The following SORCS1 variants were observed in gnomAD, a reference collection of about 807,000 sequenced individuals.
The protein encoded by SORCS1 is sortilin related VPS10 domain containing receptor 1.
In SORCS1, 60 loss-of-function variants were observed where a neutral mutation model predicts 146.1. The observed-to-expected ratio is 0.41, with a 90% CI of 0.33 to 0.51. SORCS1 has a LOEUF of 0.51. Among genes scored for constraint, SORCS1 ranks in the 20% least tolerant of loss-of-function variants. The pLI is 0.21. For missense variants in SORCS1, 1,352 were observed against 1,487.6 expected (o/e 0.91, Z 1.50); for synonymous variants, 637 against 584.0 (o/e 1.09, Z -1.31).
At chr10:106,581,234 A>C (rs1379470993) in intron 24 of SORCS1, among the ~76,000 whole-genome samples, 1 of 152,000 alleles carries the variant, frequency 6.6e-6, no homozygotes, top group Non-Finnish European at 1.5e-5. Context: ...GATAACAATG[A>C]AGTTCTCATT....
At chr10:107,086,085 G>A (rs1044627067) in intron 1 of SORCS1, among the ~76,000 whole-genome samples, 9 of 152,188 alleles carry the variant, frequency 5.9e-5, no homozygotes, top group Middle Eastern at 3.2e-3. Flanking sequence ...GAGAGAATTC[G>A]GGCACTGGAG....
intron 1 of SORCS1, among the ~76,000 whole-genome samples, chr10:107,136,817 G>T (rs1450434837): frequency 6.6e-6 from 1 of 151,998 alleles, no homozygotes; most frequent in Admixed American, 6.6e-5. Flanking sequence ...TAGCTAATTC[G>T]GTCTACACTG....
At chr10:106,820,769 G>A (rs1947982973) in intron 3 of SORCS1, among the ~76,000 whole-genome samples, 2 of 152,176 alleles carry the variant, frequency 1.3e-5, no homozygotes, top group Non-Finnish European at 2.9e-5. Context: ...AAATGTTCTA[G>A]ATACAGTATG....
intron 2 of SORCS1, among the ~76,000 whole-genome samples, chr10:106,852,928 G>T (rs971704089): frequency 6.6e-6 from 1 of 152,068 alleles, no homozygotes; most frequent in Admixed American, 6.6e-5. Context: ...CTGTAAGTTT[G>T]CTTTTTTCTC....
rs114233715 is a variant in SORCS1, at chr10:106,673,458, C to T, written c.1941-473G>A. 6.5e-3 allele frequency among the ~76,000 whole-genome samples: 993 copies of T among 152,110 alleles called. 14 individuals carry two copies. Among genetic ancestry groups the T allele is most frequent in the African/African-American group, 0.022 (922 of 41,490 alleles). On this transcript the variant is annotated intron_variant, in intron 14 of 25. Transcript: ENST00000263054. ...GAGGGTACTATTACTGGATCCACTTCGCAGATAGATAATATGAGATTCAAT... is the reference window on the plus strand; with the variant it reads ...GAGGGTACTATTACTGGATCCACTTTGCAGATAGATAATATGAGATTCAAT...
chr10:106,709,462 T>G, intron 6 of SORCS1, 121 bp from the exon 7 acceptor site: 1 of 559,802 alleles, frequency 1.8e-6, no homozygotes, highest in Non-Finnish European at 3.0e-6. Context: ...TTTTTTTTTT[T>G]TTTTGAGATG....
Position 106,796,441 on chromosome 10 carries a change from TC to T in SORCS1, c.727-19750del, listed in dbSNP as rs1272974138. Among the ~76,000 whole-genome samples the T allele has an allele frequency of 2.0e-4, 31 of 152,310 alleles. 2 individuals carry two copies. The highest frequency in any genetic ancestry group is 6.3e-4 in the African/African-American group (26 of 41,578). On this transcript the variant is annotated intron_variant, in intron 3 of 25. Coordinates refer to ENST00000263054, the MANE Select transcript of SORCS1 (RefSeq NM_052918.5). Reference sequence around the variant, plus strand: ...AGTCCCTTTATCAAATTTGTTTTTTTCCCTGAAGGAAAATTCTTCCACTGCT... The same window carrying T: ...AGTCCCTTTATCAAATTTGTTTTTTTCCTGAAGGAAAATTCTTCCACTGCT...
chr10:107,116,873 T>C (rs1326109169), intron 1 of SORCS1, among the ~76,000 whole-genome samples: 1 of 152,230 alleles, frequency 6.6e-6, no homozygotes, highest in Non-Finnish European at 1.5e-5. Flanking sequence ...GAAATAATCT[T>C]GCTATCAACA....
intron 3 of SORCS1, among the ~76,000 whole-genome samples, chr10:106,809,685 T>TA (rs1342474273): frequency 2.0e-5 from 3 of 152,172 alleles, no homozygotes; most frequent in Admixed American, 6.5e-5. Context: ...TATATATATA[T>TA]AAAAAATCTC....
chr10:106,768,709 G>A (rs750452231), intron 4 of SORCS1, among the ~76,000 whole-genome samples: 6 of 152,168 alleles, frequency 3.9e-5, no homozygotes, highest in African/African-American at 7.2e-5. Context: ...GTAGCTCTGC[G>A]TACTGGAAAG....
chr10:106,605,084 A>G (rs749321134), intron 23 of SORCS1, among the ~76,000 whole-genome samples: 1 of 152,266 alleles, frequency 6.6e-6, no homozygotes, highest in African/African-American at 2.4e-5. Flanking sequence ...ATGTGTGCCA[A>G]TTCTAAGTCA....
intron 1 of SORCS1, among the ~76,000 whole-genome samples, chr10:106,973,833 T>C (rs2139250282): frequency 6.6e-6 from 1 of 152,352 alleles, no homozygotes; most frequent in East Asian, 1.9e-4. Flanking sequence ...ATCACTTCCA[T>C]GAAAGCAATG....
chr10:106,807,663 G>A (rs550810801), intron 3 of SORCS1, among the ~76,000 whole-genome samples: 20 of 152,342 alleles, frequency 1.3e-4, no homozygotes, highest in African/African-American at 4.6e-4. Flanking sequence ...TCCATTGCAA[G>A]TAATTGCATT....
chr10:106,609,642 A>G lies in SORCS1; in HGVS notation c.3033+2269T>C, dbSNP rs567741495. 2.1e-4 allele frequency among the ~76,000 whole-genome samples: 32 copies of G among 152,300 alleles called. No individual in the cohort carries two copies. The East Asian group carries it at 2.3e-3, about 11-fold the overall frequency. ...AAAACTAGAAGGTATTAATACCACC[A>G]CCACCACTGCTATAACCCTGCCCTG... On this transcript the variant is annotated intron_variant, in intron 22 of 25. Transcript: ENST00000263054.
chr10:106,992,041 T>A (rs1004088589), intron 1 of SORCS1, among the ~76,000 whole-genome samples: 2 of 137,532 alleles, frequency 1.5e-5, no homozygotes, highest in Admixed American at 1.3e-4. Context: ...TTGTGAATAT[T>A]GCCTCAAAAA....
At chr10:106,610,724 T>G (rs1210140560) in intron 22 of SORCS1, among the ~76,000 whole-genome samples, 4 of 152,196 alleles carry the variant, frequency 2.6e-5, no homozygotes, top group Non-Finnish European at 5.9e-5. Context: ...ATTTTCCGCG[T>G]TTGCACAATA....
intron 19 of SORCS1, among the ~76,000 whole-genome samples, 161 bp from the exon 20 acceptor site, chr10:106,620,722 G>A (rs899282152): frequency 6.6e-6 from 1 of 152,208 alleles, no homozygotes; most frequent in Non-Finnish European, 1.5e-5. Flanking sequence ...TTTGGAGAAA[G>A]AATACATTGA....
At chr10:106,872,258 G>A (rs562237001) in intron 2 of SORCS1, among the ~76,000 whole-genome samples, 64 of 152,324 alleles carry the variant, frequency 4.2e-4, no homozygotes, top group African/African-American at 1.5e-3. Flanking sequence ...ATTGGGCCAG[G>A]TGCATGTGTT....
intron 1 of SORCS1, among the ~76,000 whole-genome samples, chr10:107,136,793 C>T (rs1435740742): frequency 6.6e-6 from 1 of 152,064 alleles, no homozygotes; most frequent in South Asian, 2.1e-4. Context: ...ATGTGATCTC[C>T]GGTTTCACAT....
Sources: allele counts gnomAD v4.1 joint callset (sites outside exome capture counted in the v4.1 genomes callset), GRCh38; gene constraint gnomAD v4.1.1; transcripts MANE v1.5; gene names NCBI Gene and HGNC (gene_info 2026-07-23, HGNC 2026-07-21).